The following TBC1D1 variants were observed in gnomAD, a reference collection of about 807,000 sequenced individuals.
TBC1D1 encodes the protein TBC1 (tre-2/USP6, BUB2, cdc16) domain family, member 1.
In TBC1D1, 89 loss-of-function variants were observed where a neutral mutation model predicts 125.6. The observed-to-expected ratio is 0.71, with a 90% confidence interval of 0.60 to 0.85. The LOEUF (loss-of-function observed/expected upper bound fraction) is 0.85. TBC1D1 is among the 40% of genes least tolerant of loss of function. The pLI is 0.00. For missense variants in TBC1D1, 1,377 were observed against 1,469.2 expected, an observed-to-expected ratio of 0.94 and a Z score of 1.03; for synonymous variants, 565 against 564.1, an observed-to-expected ratio of 1.00 and a Z score of -0.02.
At chr4:37,943,419 C>G (rs914073586) in intron 2 of TBC1D1, among the ~76,000 whole-genome samples, 3 of 152,170 alleles carry the variant, frequency 2.0e-5, no homozygotes, top group African/African-American at 7.2e-5. Context: ...TGGATAATAT[C>G]CTGCAGAGTA....
chr4:38,015,536 G>C (rs1473844912), intron 3 of TBC1D1, among the ~76,000 whole-genome samples: 1 of 151,822 alleles, frequency 6.6e-6, no homozygotes, highest in Non-Finnish European at 1.5e-5. Flanking sequence ...ATGGGGGGCT[G>C]TCCCAGGTGG....
rs1348662972 is a variant in TBC1D1 at position 37,977,053 on chromosome 4, G to A, written c.418-37456G>A. ...GGGCTTTTGTGGAACCTCGGAGAGGGAGGAATTCTTAGATTTCTGAAAGTT... is the reference window on the plus strand; with the variant it reads ...GGGCTTTTGTGGAACCTCGGAGAGGAAGGAATTCTTAGATTTCTGAAAGTT... On this transcript the variant is annotated intron_variant, in intron 2 of 19. Transcript: ENST00000261439. The surrounding 1 kb of genome is among the most constrained non-coding windows in gnomAD (Gnocchi z 4.3). 2.0e-5 allele frequency among the ~76,000 whole-genome samples: 3 copies of A among 152,194 alleles called. No homozygotes were observed. Among genetic ancestry groups the A allele is most frequent in the East Asian group, 1.9e-4 (1 of 5,180 alleles).
intron 1 of TBC1D1, among the ~76,000 whole-genome samples, chr4:37,894,143 C>T (rs1714024414): frequency 6.6e-6 from 1 of 152,018 alleles, no homozygotes; most frequent in South Asian, 2.1e-4. Flanking sequence ...CGTGCTCTAC[C>T]ACGGCCGGCT....
intron 15 of TBC1D1, chr4:38,110,810 C>T: frequency 3.0e-6 from 3 of 985,530 alleles, no homozygotes; most frequent in Non-Finnish European, 3.6e-6. Context: ...CACAGTTTTA[C>T]CCAGCTTCCC....
In TBC1D1 at chr4:38,138,173, A is replaced by G. The variant is rs759884332; in HGVS notation, c.*838A>G. On this transcript the variant is annotated 3_prime_UTR_variant, in exon 20 of 20. Transcript: ENST00000261439. ...GTTTTCATACATTTTTGCTTATCCCATAAGTACAGTTGATCAAAGTCATAG... is the reference window on the plus strand; with the variant it reads ...GTTTTCATACATTTTTGCTTATCCCGTAAGTACAGTTGATCAAAGTCATAG... 4.6e-5 allele frequency: 7 copies of G among 152,120 alleles called. No homozygotes were observed. Among genetic ancestry groups the G allele is most frequent in the Admixed American group, 1.3e-4 (2 of 15,278 alleles). The allele number at this position is 152,120 out of a possible 1,614,324, so 9.4% of individuals were successfully genotyped here.
At chr4:38,044,281 A>G in intron 8 of TBC1D1, 81 bp from the exon 9 acceptor site, 1 of 1,463,242 alleles carries the variant, frequency 6.8e-7, no homozygotes, top group Middle Eastern at 1.8e-4. Flanking sequence ...GGTGCCAAAA[A>G]GATGTGTCCT....
chr4:38,081,572 G>A (rs1334769435), intron 12 of TBC1D1, among the ~76,000 whole-genome samples: 1 of 152,156 alleles, frequency 6.6e-6, no homozygotes, highest in Non-Finnish European at 1.5e-5. Flanking sequence ...CAGTCTGATT[G>A]CGAAGAAGTC....
At chr4:38,070,500 G>A (rs1754525337) in intron 12 of TBC1D1, among the ~76,000 whole-genome samples, 1 of 152,170 alleles carries the variant, frequency 6.6e-6, no homozygotes, top group East Asian at 1.9e-4. Flanking sequence ...AAAACACTTG[G>A]GATTCATATC....
chr4:38,046,051 A>G (rs1457008791), intron 10 of TBC1D1, 148 bp downstream of exon 10: 1 of 684,110 alleles, frequency 1.5e-6, no homozygotes, highest in African/African-American at 1.8e-5. Flanking sequence ...GTTCTATCAT[A>G]ACATAAAAGT....
chr4:38,132,185 G>GGT (rs1376235257), intron 18 of TBC1D1, among the ~76,000 whole-genome samples: 2 of 144,348 alleles, frequency 1.4e-5, no homozygotes, highest in African/African-American at 5.1e-5. Flanking sequence ...ATCTAGCAGG[G>GGT]TTTTTTTTTT....
At chr4:38,134,611 A>T (rs915001897) in intron 19 of TBC1D1, among the ~76,000 whole-genome samples, 2 of 152,198 alleles carry the variant, frequency 1.3e-5, no homozygotes, top group African/African-American at 4.8e-5. Flanking sequence ...TAAAGCTCAC[A>T]TTTGCATTGA....
At chr4:38,056,582 G>T (rs1162913213) in intron 12 of TBC1D1, among the ~76,000 whole-genome samples, 1 of 152,214 alleles carries the variant, frequency 6.6e-6, no homozygotes, top group Admixed American at 6.5e-5. Flanking sequence ...GCCAAGGCAG[G>T]AGGATCCCTG....
chr4:38,005,588 TG>T (rs1739981088), intron 2 of TBC1D1, among the ~76,000 whole-genome samples: 2 of 152,212 alleles, frequency 1.3e-5, no homozygotes, highest in South Asian at 4.1e-4. Flanking sequence ...GCTTCTGGCC[TG>T]AGCCCCGTAC....
rs544470965 is a variant in TBC1D1 at position 38,124,497 on chromosome 4, G to A, written c.2963-465G>A. 5.9e-5 allele frequency among the ~76,000 whole-genome samples: 9 copies of A among 152,324 alleles called. No individual in the cohort carries two copies. In the South Asian group the frequency reaches 1.7e-3, roughly 28 times the overall value. On this transcript the variant is annotated intron_variant, in intron 17 of 19. Transcript: ENST00000261439. The stretch of plus-strand genomic sequence containing the variant: ...AACAAAGTACTTCTGCAGTTGTACA[G>A]CTGTTGTACAGTTTTTAAAGATCTT...
rs889801813 is a variant in TBC1D1, at chr4:37,983,732, T to G, written c.418-30777T>G. Among the ~76,000 whole-genome samples the G allele has an allele frequency of 7.2e-5, 11 of 152,374 alleles. No individual in the cohort carries two copies. In the South Asian group the frequency reaches 1.4e-3, roughly 20 times the overall value. On this transcript the variant is annotated intron_variant, in intron 2 of 19. Transcript: ENST00000261439. ...ACCAGAATGGTGCATTTGTTACAAC[T>G]GATGAATCTATATTGACATATGATT... is the stretch of plus-strand genomic sequence containing the variant.
intron 2 of TBC1D1, among the ~76,000 whole-genome samples, chr4:37,936,352 C>A (rs951020997): frequency 6.6e-6 from 1 of 152,180 alleles, no homozygotes; most frequent in Admixed American, 6.5e-5. Flanking sequence ...TTGTACAGTA[C>A]TGCAGGTCAC....
intron 2 of TBC1D1, among the ~76,000 whole-genome samples, chr4:37,971,106 A>G (rs1380834630): frequency 6.6e-6 from 1 of 152,156 alleles, no homozygotes; most frequent in African/African-American, 2.4e-5. Flanking sequence ...TTAGTAGGGA[A>G]GCAACTCTTC....
chr4:38,031,122 G>A (rs1328614011), intron 7 of TBC1D1, among the ~76,000 whole-genome samples: 1 of 152,202 alleles, frequency 6.6e-6, no homozygotes, highest in Non-Finnish European at 1.5e-5. Flanking sequence ...CTGTTACTGG[G>A]TGAATATACT....
chr4:37,961,703 T>C (rs1003893992), intron 2 of TBC1D1, among the ~76,000 whole-genome samples: 1 of 152,194 alleles, frequency 6.6e-6, no homozygotes, highest in Non-Finnish European at 1.5e-5. Context: ...ATGTTAGTGG[T>C]TTTGCTCTTT....
Sources: allele counts gnomAD v4.1 joint callset (sites outside exome capture counted in the v4.1 genomes callset), GRCh38; gene constraint gnomAD v4.1.1; non-coding constraint Gnocchi (gnomAD v3.1); transcripts MANE v1.5; gene names NCBI Gene and HGNC (gene_info 2026-07-23, HGNC 2026-07-21).